The following MARCO variants were observed in gnomAD, a reference collection of about 807,000 sequenced individuals.
MARCO encodes macrophage receptor with collagenous structure.
A neutral mutation model predicts 70.0 loss-of-function variants in MARCO; 72 were observed. The observed-to-expected ratio is 1.03, with a 90% CI of 0.85 to 1.25. The LOEUF is 1.25. Among genes scored for constraint, MARCO ranks in the 50% most tolerant of loss-of-function variants. The pLI is 0.00. For synonymous variants in MARCO, 273 were observed against 243.1 expected, an observed-to-expected ratio of 1.12 and a Z score of -1.14; for missense variants, 696 against 659.3, an observed-to-expected ratio of 1.06 and a Z score of -0.61.
chr2:118,949,180 G>T (rs1410280888), intron 1 of MARCO: 1 of 152,178 alleles, frequency 6.6e-6, no homozygotes, highest in African/African-American at 2.4e-5. Flanking sequence ...TTATTCCAGG[G>T]GGTGGAATCT....
At chr2:118,981,551 C>T (rs1464052868) in intron 9 of MARCO, 44 bp downstream of exon 9, 6 of 1,448,678 alleles carry the variant, frequency 4.1e-6, no homozygotes, top group Non-Finnish European at 5.7e-6. Context: ...TAGGTATTTC[C>T]TTTTTTTTTT....
chr2:118,943,083 C>T (rs1172998541), intron 1 of MARCO, among the ~76,000 whole-genome samples: 3 of 152,174 alleles, frequency 2.0e-5, no homozygotes, highest in South Asian at 2.1e-4. Flanking sequence ...TAGTCTAGAA[C>T]GTTCTCTTGG....
chr2:118,993,084 G>A (rs372771562), intron 15 of MARCO, 40 bp from the exon 16 acceptor site: 25 of 1,596,626 alleles, frequency 1.6e-5, no homozygotes, highest in Non-Finnish European at 2.0e-5. Context: ...AAGCCCCAAG[G>A]GGCCTTCCTT....
At chr2:118,967,058 G>A (rs758301444) in intron 1 of MARCO, among the ~76,000 whole-genome samples, 1 of 152,172 alleles carries the variant, frequency 6.6e-6, no homozygotes, top group Non-Finnish European at 1.5e-5. Flanking sequence ...CAGATACCAC[G>A]TTGGTGCTGG....
chr2:118,976,154 C>T (rs972265833), intron 6 of MARCO, among the ~76,000 whole-genome samples: 2 of 152,212 alleles, frequency 1.3e-5, no homozygotes, highest in African/African-American at 4.8e-5. Flanking sequence ...CTTTAGGACT[C>T]TGACAGGTAG....
chr2:118,992,307 C>A, intron 14 of MARCO, 125 bp from the exon 15 acceptor site: 1 of 719,732 alleles, frequency 1.4e-6, no homozygotes, highest in Non-Finnish European at 2.4e-6. Flanking sequence ...TGCCAGGCCA[C>A]AGGCGAGACC....
intron 1 of MARCO, among the ~76,000 whole-genome samples, chr2:118,951,967 G>A (rs1020608764): frequency 6.6e-6 from 1 of 150,838 alleles, no homozygotes; most frequent in African/African-American, 2.4e-5. Flanking sequence ...TCCTCTCCCA[G>A]TTTCTCTCTC....
intron 16 of MARCO, 80 bp from the exon 17 acceptor site, chr2:118,994,307 T>C (rs1680680502): frequency 6.5e-7 from 1 of 1,529,034 alleles, no homozygotes; most frequent in African/African-American, 1.4e-5. Flanking sequence ...AGATGGAAGC[T>C]CCCAGGCGCA....
At chr2:118,962,675 T>A (rs998866316) in intron 1 of MARCO, among the ~76,000 whole-genome samples, 3 of 152,190 alleles carry the variant, frequency 2.0e-5, no homozygotes, top group African/African-American at 7.2e-5. Flanking sequence ...AGAGATTGTG[T>A]AAAACTGATG....
At chr2:118,982,011 C>T in intron 10 of MARCO, 145 bp from the exon 11 acceptor site, 1 of 609,548 alleles carries the variant, frequency 1.6e-6, no homozygotes, top group Non-Finnish European at 2.9e-6. Flanking sequence ...CTCATGGCTT[C>T]TAAAGAGAGG....
At chr2:118,986,647 A>AGG (rs1680499171) in intron 12 of MARCO, among the ~76,000 whole-genome samples, 3 of 50,944 alleles carry the variant, frequency 5.9e-5, no homozygotes, top group Admixed American at 3.8e-4. Context: ...GAAAGAAAGA[A>AGG]AGAAAGAAGG....
Position 118,993,109 on chromosome 2 carries a change from T to G in MARCO, c.1253-15T>G. Reference sequence around the variant, plus strand: ...GGGCCTTCCTTGCCTCTCCCATGTGTGTTTCTTCACCCAGGTGAAAACTCA... The same window carrying G: ...GGGCCTTCCTTGCCTCTCCCATGTGGGTTTCTTCACCCAGGTGAAAACTCA... On this transcript the variant is annotated splice_polypyrimidine_tract_variant and intron_variant, in intron 15 of 16. Transcript: ENST00000327097. The G allele has an allele frequency of 6.2e-7, 1 of 1,613,852 alleles. No homozygotes were observed. Among genetic ancestry groups the G allele is most frequent in the Non-Finnish European group, 8.5e-7 (1 of 1,179,764 alleles).
At chr2:118,986,668 G>GAAAGAAAGAAAGAAA (rs1680505013) in intron 12 of MARCO, among the ~76,000 whole-genome samples, 1 of 48,502 alleles carries the variant, frequency 2.1e-5, no homozygotes, top group Non-Finnish European at 3.2e-5. Context: ...AAGGAAGGAA[G>GAAAGAAAGAAAGAAA]GAAGGAAAGA....
chr2:118,987,526 C>T (rs1323285510), intron 12 of MARCO, among the ~76,000 whole-genome samples: 2 of 152,196 alleles, frequency 1.3e-5, no homozygotes, highest in African/African-American at 2.4e-5. Context: ...CCAACCTCTG[C>T]TATAGGAACT....
intron 10 of MARCO, 54 bp from the exon 11 acceptor site, chr2:118,982,102 T>C: frequency 7.7e-7 from 1 of 1,301,204 alleles, no homozygotes. Context: ...GGGGTTGGGG[T>C]ATCTGGGCCC....
chr2:118,982,463 A>G (rs376770572), intron 12 of MARCO, 53 bp downstream of exon 12: 258 of 1,543,908 alleles, frequency 1.7e-4, no homozygotes, highest in Non-Finnish European at 2.2e-4. Flanking sequence ...GGCAGGATGG[A>G]TGGAGAGAAA....
rs777645901 is a variant in MARCO, at chr2:118,970,138, G to A, written c.224G>A (p.Arg75Gln). ...GTTCTGAATCTGCAGGCGCGGCTCCGGGTCCTGGAGATGTATTTCCTCAAT... is the reference window on the plus strand; with the variant it reads ...GTTCTGAATCTGCAGGCGCGGCTCCAGGTCCTGGAGATGTATTTCCTCAAT... ...VQVLNLQARL[R>Q]VLEMYFLNDT... The change falls in exon 3 of 17, where the codon CGG becomes CAG. Residue 75 changes from arginine to glutamine, a missense_variant. Physicochemically the swap from Arg to Gln is conservative, Grantham distance 43. Around this residue, in one of 3 missense-constraint regions of MARCO, gnomAD observed 605 missense variants for 537.6 expected, o/e 1.13. Coordinates refer to ENST00000327097, the MANE Select transcript of MARCO (RefSeq NM_006770.4). The A allele has an allele frequency of 3.8e-5, 61 of 1,613,950 alleles. No homozygotes were observed. In the East Asian group the frequency reaches 5.3e-4, roughly 14 times the overall value.
chr2:118,974,304 T>C, intron 4 of MARCO, 29 bp from the exon 5 acceptor site: 2 of 1,350,368 alleles, frequency 1.5e-6, no homozygotes, highest in East Asian at 2.4e-5. Context: ...GTTGACTGAC[T>C]CATTAGTGTC....
At chr2:118,993,053 G>T (rs1216510318) in intron 15 of MARCO, 71 bp from the exon 16 acceptor site, 2 of 1,329,076 alleles carry the variant, frequency 1.5e-6, no homozygotes, top group East Asian at 4.6e-5. Context: ...AAAATGAAAA[G>T]AAAGAGCCCG....
Sources: gnomAD v4.1 joint callset for allele counts (sites outside exome capture counted in the v4.1 genomes callset) on GRCh38, gnomAD v4.1.1 for gene constraint, gnomAD v4.1.1 regional missense constraint, MANE v1.5 for transcripts, NCBI Gene and HGNC (gene_info 2026-07-23, HGNC 2026-07-21) for gene names.